The following DGKB variants were observed in gnomAD, a reference collection of about 807,000 sequenced individuals.
DGKB encodes the protein 90 kDa diacylglycerol kinase.
A neutral mutation model predicts 114.3 loss-of-function variants in DGKB; 67 were observed. The observed-to-expected ratio is 0.59, with a 90% CI of 0.48 to 0.72. The LOEUF is 0.72. Ranked by LOEUF, DGKB falls within the 30% of genes least tolerant of loss-of-function variation. The pLI, the probability that DGKB is intolerant of heterozygous loss-of-function variation, is 0.00. For missense variants in DGKB, 907 were observed against 975.2 expected (o/e 0.93, Z 0.93); for synonymous variants, 398 against 323.1 (o/e 1.23, Z -2.49).
chr7:14,621,483 T>C lies in DGKB; in HGVS notation c.1179A>G (p.Ser393=). The C allele has an allele frequency of 6.3e-7, 1 of 1,598,154 alleles. No homozygotes were observed. Among genetic ancestry groups the C allele is most frequent in the Non-Finnish European group, 8.5e-7 (1 of 1,172,028 alleles). The change falls in exon 15 of 26, where the codon TCA becomes TCG. Residue 393 remains serine (S), a synonymous_variant. Transcript: ENST00000402815. Reference sequence around the variant, plus strand: ...AACCACTCTTTTCCTTTTTCACTGTTGATTGTCTTTCCTGTAAAAAAGAAA... The same window carrying C: ...AACCACTCTTTTCCTTTTTCACTGTCGATTGTCTTTCCTGTAAAAAAGAAA... ...SGVSVPEERQ[S]TVKKEKSGSQ...
intron 1 of DGKB, among the ~76,000 whole-genome samples, chr7:14,948,477 A>G (rs542634072): frequency 6.6e-6 from 1 of 151,954 alleles, no homozygotes; most frequent in Non-Finnish European, 1.5e-5. Flanking sequence ...CAAGAAAAAT[A>G]TAAAACATAA....
intron 13 of DGKB, among the ~76,000 whole-genome samples, chr7:14,656,522 T>A (rs1815830263): frequency 2.0e-5 from 3 of 151,508 alleles, no homozygotes. Context: ...GGACACTGCA[T>A]CCTGAATATA....
chr7:14,942,046 A>C (rs1785595669), intron 1 of DGKB, among the ~76,000 whole-genome samples: 1 of 151,972 alleles, frequency 6.6e-6, no homozygotes, highest in Non-Finnish European at 1.5e-5. Flanking sequence ...AAAATGGCAG[A>C]TTTATTGTTT....
chr7:14,616,501 A>G (rs953648809), intron 15 of DGKB, among the ~76,000 whole-genome samples: 2 of 151,764 alleles, frequency 1.3e-5, no homozygotes, highest in East Asian at 1.9e-4. Context: ...ATTTGCTGCA[A>G]TCCTAAAATA....
chr7:14,573,576 C>G (rs575974079), intron 20 of DGKB, among the ~76,000 whole-genome samples: 4 of 150,952 alleles, frequency 2.6e-5, no homozygotes, highest in South Asian at 4.2e-4. Flanking sequence ...GCTTTATTTT[C>G]TATATTTTTA....
intron 23 of DGKB, among the ~76,000 whole-genome samples, chr7:14,244,686 A>G (rs1794208225): frequency 6.7e-6 from 1 of 149,538 alleles, no homozygotes; most frequent in African/African-American, 2.5e-5. Context: ...AAAAAAAAAA[A>G]AAAAAAAGGG....
chr7:14,614,006 A>G (rs1806078119), intron 15 of DGKB, among the ~76,000 whole-genome samples: 1 of 152,114 alleles, frequency 6.6e-6, no homozygotes, highest in Admixed American at 6.6e-5. Flanking sequence ...AATCAAGTAT[A>G]TTTGCTAAGT....
Position 14,621,496 on chromosome 7 carries a change from TG to T in DGKB, c.1168-3del. 1.3e-6 allele frequency: 2 copies of T among 1,550,276 alleles called. No homozygotes were observed. The highest frequency in any genetic ancestry group is 1.8e-6 in the Non-Finnish European group (2 of 1,141,930). On this transcript the variant is annotated splice_polypyrimidine_tract_variant and splice_region_variant and intron_variant, in intron 14 of 25. Coordinates refer to ENST00000402815, the MANE Select transcript of DGKB (RefSeq NM_001350709.2). The stretch of plus-strand genomic sequence containing the variant: ...CTTTTTCACTGTTGATTGTCTTTCC[TG>T]TAAAAAAGAAAATTTTGATAAAAAT...
intron 23 of DGKB, among the ~76,000 whole-genome samples, chr7:14,229,769 G>T (rs1392814499): frequency 6.6e-6 from 1 of 151,776 alleles, no homozygotes; most frequent in African/African-American, 2.4e-5. Flanking sequence ...GCATAAAGTT[G>T]TTAAATAAAA....
intron 20 of DGKB, among the ~76,000 whole-genome samples, chr7:14,506,041 G>C (rs1786998250): frequency 6.6e-6 from 1 of 152,006 alleles, no homozygotes; most frequent in African/African-American, 2.4e-5. Context: ...ATACTCTCTA[G>C]CTCACAATGT....
chr7:14,882,308 G>C (rs1562803521), intron 1 of DGKB, among the ~76,000 whole-genome samples: 1 of 151,988 alleles, frequency 6.6e-6, no homozygotes, highest in Admixed American at 6.5e-5. Context: ...CCAGAGTCTT[G>C]GATTTCACAC....
At chr7:14,914,364 C>G (rs1784136431) in intron 1 of DGKB, among the ~76,000 whole-genome samples, 1 of 152,130 alleles carries the variant, frequency 6.6e-6, no homozygotes, top group Non-Finnish European at 1.5e-5. Flanking sequence ...AGAACTTCAT[C>G]AACAGGGCTT....
chr7:14,939,813 C>T (rs866153371), intron 1 of DGKB, among the ~76,000 whole-genome samples: 5 of 151,778 alleles, frequency 3.3e-5, no homozygotes, highest in African/African-American at 1.2e-4. Flanking sequence ...CAGGATTTCA[C>T]CGTGTTAGCC....
At chr7:14,909,845 G>C (rs1006479647) in intron 1 of DGKB, among the ~76,000 whole-genome samples, 2 of 152,040 alleles carry the variant, frequency 1.3e-5, no homozygotes, top group Non-Finnish European at 2.9e-5. Context: ...TCAAAATTAA[G>C]AGGGGAAAAT....
At chr7:14,444,867 A>G (rs1167361194) in intron 21 of DGKB, among the ~76,000 whole-genome samples, 1 of 151,892 alleles carries the variant, frequency 6.6e-6, no homozygotes, top group African/African-American at 2.4e-5. Flanking sequence ...AAAAGAGCAT[A>G]AAATATAAAT....
At chr7:14,249,626 A>G (rs997387207) in intron 23 of DGKB, among the ~76,000 whole-genome samples, 1 of 152,132 alleles carries the variant, frequency 6.6e-6, no homozygotes, top group Non-Finnish European at 1.5e-5. Context: ...TTGTCAACAT[A>G]TAATTGTTCA....
intron 2 of DGKB, among the ~76,000 whole-genome samples, chr7:14,770,918 T>C (rs1464468840): frequency 6.6e-6 from 1 of 152,056 alleles, no homozygotes; most frequent in Non-Finnish European, 1.5e-5. Flanking sequence ...GAGTTTTGCC[T>C]AGACCATTCC....
intron 23 of DGKB, among the ~76,000 whole-genome samples, chr7:14,326,332 T>C (rs185892535): frequency 8.7e-4 from 132 of 152,244 alleles, no homozygotes; most frequent in Non-Finnish European, 1.4e-3. Flanking sequence ...ATTTTTATCA[T>C]GCACCTTTGG....
At chr7:14,663,669 C>CCT (rs1163894967) in intron 13 of DGKB, among the ~76,000 whole-genome samples, 1 of 144,568 alleles carries the variant, frequency 6.9e-6, no homozygotes, top group African/African-American at 2.6e-5. Flanking sequence ...CTCCTTCCCG[C>CCT]TCCCCTCCCC....
Sources: allele counts gnomAD v4.1 joint callset (sites outside exome capture counted in the v4.1 genomes callset), GRCh38; gene constraint gnomAD v4.1.1; transcripts MANE v1.5; gene names NCBI Gene and HGNC (gene_info 2026-07-23, HGNC 2026-07-21).